The following LRRC4C variants were observed in gnomAD, a reference collection of about 807,000 sequenced individuals.
The protein encoded by LRRC4C is leucine-rich repeat-containing protein 4C.
In LRRC4C, 5 loss-of-function variants were observed where a neutral mutation model predicts 33.6. The observed-to-expected ratio is 0.15, with a 90% CI of 0.08 to 0.31. The LOEUF (loss-of-function observed/expected upper bound fraction) is 0.31. Among genes scored for constraint, LRRC4C ranks in the 10% least tolerant of loss-of-function variants. The probability of loss-of-function intolerance (pLI) is 1.00; values close to 1 mark genes in which losing one functional copy is unlikely to be tolerated. For synonymous variants in LRRC4C, 329 were observed against 302.0 expected (o/e 1.09, Z -0.93); for missense variants, 560 against 796.7 (o/e 0.70, Z 3.58).
rs902809076 is a variant in LRRC4C at position 40,936,974 on chromosome 11, A to G, written c.-495-3251T>C. The stretch of plus-strand genomic sequence containing the variant: ...TTGGGGAACATCTGGAAGACTCATG[A>G]TAAATTAAAAACAAAGTAACTGTCT... On this transcript the variant is annotated intron_variant, in intron 1 of 6. Transcript: ENST00000528697. Among the ~76,000 whole-genome samples, 47 of 152,182 alleles carry G rather than the reference A, an allele frequency of 3.1e-4. 2 individuals are homozygous for G. The highest frequency in any genetic ancestry group is 2.4e-3 in the Admixed American group (36 of 15,262).
chr11:40,470,125 T>G (rs1461105540), intron 3 of LRRC4C, among the ~76,000 whole-genome samples: 1 of 152,130 alleles, frequency 6.6e-6, no homozygotes, highest in Non-Finnish European at 1.5e-5. Flanking sequence ...ACACCTCATA[T>G]AGGAGAGCAC....
chr11:41,277,848 G>T (rs896975907), intron 1 of LRRC4C, among the ~76,000 whole-genome samples: 1 of 151,980 alleles, frequency 6.6e-6, no homozygotes, highest in East Asian at 1.9e-4. Flanking sequence ...CAGTACATTA[G>T]TTCTCAAACA....
At chr11:41,334,913 A>C (rs1324029759) in intron 1 of LRRC4C, among the ~76,000 whole-genome samples, 1 of 152,006 alleles carries the variant, frequency 6.6e-6, no homozygotes, top group Non-Finnish European at 1.5e-5. Flanking sequence ...CATACACACA[A>C]GAGTTTCTTT....
At chr11:41,274,248 CCAA>C (rs746830128) in intron 1 of LRRC4C, among the ~76,000 whole-genome samples, 6 of 151,952 alleles carry the variant, frequency 3.9e-5, no homozygotes, top group Non-Finnish European at 7.4e-5. Flanking sequence ...AGAAGGAAAC[CCAA>C]CAGATGGTTC....
At chr11:40,144,188 A>G (rs1857561736) in intron 5 of LRRC4C, among the ~76,000 whole-genome samples, 1 of 152,246 alleles carries the variant, frequency 6.6e-6, no homozygotes, top group South Asian at 2.1e-4. Context: ...GATGATACCC[A>G]TAAACCAACA....
At chr11:40,415,786 C>T (rs1317625999) in intron 3 of LRRC4C, among the ~76,000 whole-genome samples, 1 of 152,046 alleles carries the variant, frequency 6.6e-6, no homozygotes, top group Non-Finnish European at 1.5e-5. Flanking sequence ...CTTTCCTTAT[C>T]AATCAGTAAG....
intron 5 of LRRC4C, among the ~76,000 whole-genome samples, chr11:40,162,195 C>G (rs1042871128): frequency 1.3e-5 from 2 of 152,000 alleles, no homozygotes; most frequent in Non-Finnish European, 2.9e-5. Context: ...TTATAACAAG[C>G]CAGACATCAT....
At chr11:40,189,240 G>T (rs1861639032) in intron 5 of LRRC4C, among the ~76,000 whole-genome samples, 1 of 130,048 alleles carries the variant, frequency 7.7e-6, no homozygotes, top group African/African-American at 2.5e-5. Flanking sequence ...AATCTGCTAG[G>T]TTCTTTTTAA....
chr11:41,372,570 T>C (rs1374925575), intron 1 of LRRC4C, among the ~76,000 whole-genome samples: 2 of 152,190 alleles, frequency 1.3e-5, no homozygotes, highest in Non-Finnish European at 2.9e-5. Flanking sequence ...ACCAAACTTA[T>C]GAACTATTAA....
Position 40,125,152 on chromosome 11 carries a change from A to G in LRRC4C, c.-42-8818T>C, listed in dbSNP as rs574335024. Among the ~76,000 whole-genome samples the G allele has an allele frequency of 8.5e-5, 13 of 152,264 alleles. No individual in the cohort carries two copies. The South Asian group carries it at 2.7e-3, about 32-fold the overall frequency. On this transcript the variant is annotated intron_variant, in intron 6 of 6. Transcript: ENST00000528697. ...TTTCAGAGACTAATGAGGTCTGAAC[A>G]TGTGACACAATTTGGCTAATAAGAT... is the stretch of plus-strand genomic sequence containing the variant.
At chr11:41,123,393 C>A (rs1043840328) in intron 1 of LRRC4C, among the ~76,000 whole-genome samples, 1 of 147,526 alleles carries the variant, frequency 6.8e-6, no homozygotes, top group African/African-American at 2.5e-5. Flanking sequence ...CTGCCTCAGC[C>A]TCCCAAGTAG....
At chr11:40,197,076 T>C (rs1429389826) in intron 5 of LRRC4C, among the ~76,000 whole-genome samples, 1 of 152,138 alleles carries the variant, frequency 6.6e-6, no homozygotes, top group African/African-American at 2.4e-5. Flanking sequence ...AAATAACTAA[T>C]CCAGAACCCG....
chr11:41,364,239 T>C (rs908918286), intron 1 of LRRC4C, among the ~76,000 whole-genome samples: 1 of 152,196 alleles, frequency 6.6e-6, no homozygotes, highest in Admixed American at 6.5e-5. Flanking sequence ...TTAAATTTAG[T>C]TTAAAATCTT....
At chr11:40,713,060 T>A (rs1170107497) in intron 2 of LRRC4C, among the ~76,000 whole-genome samples, 1 of 151,456 alleles carries the variant, frequency 6.6e-6, no homozygotes, top group African/African-American at 2.4e-5. Flanking sequence ...GGCTAATTTT[T>A]TTTTTTTTTT....
At chr11:41,257,934 T>C (rs142386776) in intron 1 of LRRC4C, among the ~76,000 whole-genome samples, 261 of 152,126 alleles carry the variant, frequency 1.7e-3, no homozygotes, top group African/African-American at 5.9e-3. Flanking sequence ...TTTTCCTGTA[T>C]CTATAAATCC....
At chr11:40,827,286 A>G (rs952268802) in intron 2 of LRRC4C, among the ~76,000 whole-genome samples, 1 of 151,886 alleles carries the variant, frequency 6.6e-6, no homozygotes, top group Non-Finnish European at 1.5e-5. Context: ...GGCCATACTA[A>G]TTTGTATTCC....
rs765252333 is a variant in LRRC4C at position 40,898,353 on chromosome 11, C to CAAAAAAAAAAAAAAAAAAA, written c.-407+35263_-407+35281dup. On this transcript the variant is annotated intron_variant, in intron 2 of 6. Transcript: ENST00000528697. ...GGGCAACAAGAGTGAAACTCCATCT[C>CAAAAAAAAAAAAAAAAAAA]AAAAAAAAAAAAAAAAAAAGAAAAA... Among the ~76,000 whole-genome samples, 189 of 38,172 alleles carry CAAAAAAAAAAAAAAAAAAA rather than the reference C, an allele frequency of 5.0e-3. 15 individuals are homozygous for CAAAAAAAAAAAAAAAAAAA. Among genetic ancestry groups the CAAAAAAAAAAAAAAAAAAA allele is most frequent in the African/African-American group, 0.016 (149 of 9,546 alleles). 25.0% of individuals were successfully genotyped at this position (38,172 alleles called of 152,430 possible).
At chr11:40,999,297 T>C (rs1403366037) in intron 1 of LRRC4C, among the ~76,000 whole-genome samples, 2 of 152,124 alleles carry the variant, frequency 1.3e-5, no homozygotes, top group African/African-American at 2.4e-5. Flanking sequence ...CTCCTAAGCA[T>C]GGCACACTTA....
At chr11:40,361,284 T>C (rs542419269) in intron 3 of LRRC4C, among the ~76,000 whole-genome samples, 9 of 152,086 alleles carry the variant, frequency 5.9e-5, no homozygotes, top group Non-Finnish European at 1.2e-4. Context: ...AGCATTCAGA[T>C]AGAAAGAGAG....
Sources: allele counts gnomAD v4.1 joint callset (sites outside exome capture counted in the v4.1 genomes callset), GRCh38; gene constraint gnomAD v4.1.1; transcripts MANE v1.5; gene names NCBI Gene and HGNC (gene_info 2026-07-23, HGNC 2026-07-21).